The following MUC5B variants were observed in gnomAD, a reference collection of about 807,000 sequenced individuals.
MUC5B encodes mucin 5B, oligomeric mucus/gel-forming.
In MUC5B, 116 loss-of-function variants were observed where a neutral mutation model predicts 376.9. The ratio of observed to expected loss-of-function variants is 0.31; its 90% CI spans 0.26 to 0.36. The LOEUF (loss-of-function observed/expected upper bound fraction) is 0.36, where lower values mean the gene tolerates loss of function less well. MUC5B is among the 10% of genes least tolerant of loss of function. The pLI, the probability that MUC5B is intolerant of heterozygous loss-of-function variation, is 1.00. For missense variants in MUC5B, 7,165 were observed against 7,769.9 expected, an observed-to-expected ratio of 0.92 and a Z score of 2.93; for synonymous variants, 3,517 against 3,390.9, an observed-to-expected ratio of 1.04 and a Z score of -1.29.
In MUC5B at chr11:1,227,062, C is replaced by G. The variant is rs763931547; in HGVS notation, c.493C>G (p.Leu165Val). The G allele has an allele frequency of 6.2e-7, 1 of 1,612,042 alleles. No homozygotes were observed. Among genetic ancestry groups the G allele is most frequent in the East Asian group, 2.2e-5 (1 of 44,862 alleles). ...GCTGCCTTACAGCCGCACTGGCCTC[C>G]TGGTGGAGCAGAGCGGGGACTACAT... ...EELPYSRTGL[L>V]VEQSGDYIKV... Residue 165 changes from leucine (L) to valine (V), a missense_variant, in exon 5 of 49, where the codon CTG (leucine) becomes GTG (valine). Coordinates refer to ENST00000529681, the MANE Select transcript of MUC5B (RefSeq NM_002458.3).
rs775093074 is a variant in MUC5B, at chr11:1,254,864, C to T, written c.15648C>T (p.Asn5216=). The T allele has an allele frequency of 1.9e-6, 3 of 1,611,446 alleles. No individual in the cohort carries two copies. The African/African-American group carries it at 4.0e-5, about 22-fold the overall frequency. The stretch of plus-strand genomic sequence containing the variant: ...TGCCCTACAGCCTCTTCCACAACAA[C>T]ACCGAGGGCCAGTGCGGTGAGTGGG... ...ARLPYSLFHN[N]TEGQCGTCTN... Residue 5216 remains asparagine, a synonymous_variant, in exon 35 of 49, where the codon AAC becomes AAT. Transcript: ENST00000529681.
At chr11:1,260,158 C>A in intron 46 of MUC5B, 73 bp downstream of exon 46, 1 of 1,563,060 alleles carries the variant, frequency 6.4e-7, no homozygotes, top group Non-Finnish European at 8.7e-7. Flanking sequence ...GTCTGGGATG[C>A]CCTGCACAGC....
Position 1,229,709 on chromosome 11 carries a change from C to T in MUC5B, c.1122C>T (p.Ile374=). Residue 374 remains isoleucine (I), a synonymous_variant, in exon 10 of 49, where the codon ATC becomes ATT. Coordinates refer to ENST00000529681, the MANE Select transcript of MUC5B (RefSeq NM_002458.3). ...FCPPGTVLDD[I]THSGCLPLGQ... Reference sequence around the variant, plus strand: ...CCACAGGCACGGTGCTGGATGACATCACGCACTCTGGCTGCCTGCCCCTCG... The same window carrying T: ...CCACAGGCACGGTGCTGGATGACATTACGCACTCTGGCTGCCTGCCCCTCG... 6.3e-7 allele frequency: 1 copy of T among 1,585,774 alleles called. No individual in the cohort carries two copies. Among genetic ancestry groups the T allele is most frequent in the Non-Finnish European group, 8.5e-7 (1 of 1,170,216 alleles).
chr11:1,227,635 G>A (rs1416656130), intron 6 of MUC5B, 40 bp from the exon 7 acceptor site: 1 of 709,596 alleles, frequency 1.4e-6, no homozygotes, highest in South Asian at 1.5e-5. Flanking sequence ...GTCCCCAGGA[G>A]CCCCTCAGAG....
At position 1,249,968 on chromosome 11, in the gene MUC5B, C is replaced by T. The variant is rs71469882; in HGVS notation, c.13088C>T (p.Ser4363Phe). ...PSSTPETTHTSTVLTTKATTT... is the reference protein window; with the variant it reads ...PSSTPETTHTFTVLTTKATTT... ...TCCACTCCGGAGACCACCCACACCT[C>T]CACAGTGCTGACCACGAAGGCCACC... The change falls in exon 31 of 49, where the codon TCC becomes TTC. Residue 4363 changes from serine to phenylalanine, a missense_variant. This residue lies in a region of MUC5B where 431 missense variants were observed against 390.4 expected (regional missense o/e 1.10). Transcript: ENST00000529681. 3.7e-6 allele frequency: 6 copies of T among 1,611,306 alleles called. No individual in the cohort carries two copies. The highest frequency in any genetic ancestry group is 5.1e-6 in the Non-Finnish European group (6 of 1,178,476).
intron 18 of MUC5B, 84 bp from the exon 19 acceptor site, chr11:1,233,709 C>A: frequency 1.5e-6 from 2 of 1,375,026 alleles, no homozygotes; most frequent in Non-Finnish European, 2.0e-6. Context: ...GGAGGCCCAG[C>A]GTTCGGCGGG....
chr11:1,260,448 C>A, intron 47 of MUC5B, 55 bp downstream of exon 47: 1 of 1,593,628 alleles, frequency 6.3e-7, no homozygotes, highest in East Asian at 2.2e-5. Context: ...CGTCGCCACC[C>A]ATCCATTCCT....
rs1448061299 is a variant in MUC5B, at chr11:1,227,405, G to T, written c.667+7G>T. 1 of 1,602,944 alleles carries T rather than the reference G, an allele frequency of 6.2e-7. No homozygotes were observed. Among genetic ancestry groups the T allele is most frequent in the Admixed American group, 1.7e-5 (1 of 59,444 alleles). ...AACGAGTTCTATGCCCACAGTGAGT[G>T]CCACCTGGGTGAGGGGGCGGTGACC... On this transcript the variant is annotated splice_region_variant and intron_variant, in intron 6 of 48. Coordinates refer to ENST00000529681, the MANE Select transcript of MUC5B (RefSeq NM_002458.3).
Position 1,247,347 on chromosome 11 carries a change from G to T in MUC5B, c.10467G>T (p.Thr3489=), listed in dbSNP as rs767717133. 3 of 1,610,770 alleles carry T rather than the reference G, an allele frequency of 1.9e-6. No homozygotes were observed. The highest frequency in any genetic ancestry group is 2.7e-5 in the African/African-American group (2 of 74,590). The change falls in exon 31 of 49, where the codon ACG becomes ACT. Residue 3489 remains threonine (T), a synonymous_variant. Coordinates refer to ENST00000529681, the MANE Select transcript of MUC5B (RefSeq NM_002458.3). ...LGTTHITEPS[T]VTSHTPAATT... ...CCACCCACATCACAGAGCCTTCCAC[G>T]GTGACTTCCCACACCCCAGCAGCAA... is the stretch of plus-strand genomic sequence containing the variant.
At chr11:1,256,912 T>C in intron 39 of MUC5B, 141 bp downstream of exon 39, 1 of 674,750 alleles carries the variant, frequency 1.5e-6, no homozygotes, top group East Asian at 2.8e-5. Flanking sequence ...CACCAGAGCA[T>C]GGGATGGCCC....
chr11:1,233,040 C>T lies in MUC5B; in HGVS notation c.2093C>T (p.Ser698Phe), dbSNP rs1405915296. 2.5e-6 allele frequency: 4 copies of T among 1,600,612 alleles called. No homozygotes were observed. The highest frequency in any genetic ancestry group is 3.4e-6 in the Non-Finnish European group (4 of 1,177,528). Residue 698 changes from serine (S) to phenylalanine (F), a missense_variant, in exon 18 of 49, where the codon TCC becomes TTC. Physicochemically the swap from Ser to Phe is radical, Grantham distance 155 (BLOSUM62 -2). Coordinates refer to ENST00000529681, the MANE Select transcript of MUC5B (RefSeq NM_002458.3). Reference sequence around the variant, plus strand: ...AAGTACATGCAGAACTGCCCCAAGTCCCAGCGCTACGCCTACGTGGTGGAT... The same window carrying T: ...AAGTACATGCAGAACTGCCCCAAGTTCCAGCGCTACGCCTACGTGGTGGAT... ...CTKYMQNCPK[S>F]QRYAYVVDAC...
rs1324171837 is a variant in MUC5B, at chr11:1,240,999, T to C, written c.4119T>C (p.Pro1373=). ...NLRQRGYQVC[P]VLADIECRAA... ...GGCAGAGAGGGTACCAGGTATGCCC[T>C]GTGCTGGCTGACATCGAGTGCCGGG... Residue 1373 remains proline, a synonymous_variant, in exon 31 of 49, where the codon CCT becomes CCC. Coordinates refer to ENST00000529681, the MANE Select transcript of MUC5B (RefSeq NM_002458.3). 2 of 1,613,216 alleles carry C rather than the reference T, an allele frequency of 1.2e-6. No homozygotes were observed. Among genetic ancestry groups the C allele is most frequent in the Non-Finnish European group, 1.7e-6 (2 of 1,179,844 alleles).
At position 1,234,963 on chromosome 11, in the gene MUC5B, G is replaced by T; in HGVS notation, c.2631-122G>T. On this transcript the variant is annotated intron_variant, in intron 21 of 48. Transcript: ENST00000529681. The surrounding 1 kb of genome is among the most constrained non-coding windows in gnomAD (Gnocchi z 6.3). Reference sequence around the variant, plus strand: ...GGACACCACTTCTTCCACGGAGGAGGGGTCAGGCTGGGCCTGGGGAGGCTG... The same window carrying T: ...GGACACCACTTCTTCCACGGAGGAGTGGTCAGGCTGGGCCTGGGGAGGCTG... 1 of 1,326,414 alleles carries T rather than the reference G, an allele frequency of 7.5e-7. No individual in the cohort carries two copies. Among genetic ancestry groups the T allele is most frequent in the Non-Finnish European group, 1.0e-6 (1 of 996,338 alleles). The allele number at this position is 1,326,414 out of a possible 1,614,324, so 82.2% of individuals were successfully genotyped here. A position where few individuals can be genotyped will look rare whatever the true frequency, so the allele number is the denominator to read the frequency against.
Position 1,241,300 on chromosome 11 carries a change from A to G in MUC5B, c.4420A>G (p.Ile1474Val), listed in dbSNP as rs1167897159. 6.2e-7 allele frequency: 1 copy of G among 1,603,532 alleles called. No individual in the cohort carries two copies. Among genetic ancestry groups the G allele is most frequent in the South Asian group, 1.1e-5 (1 of 89,596 alleles). Residue 1474 changes from isoleucine (I) to valine (V), a missense_variant, in exon 31 of 49, where the codon ATC (isoleucine) becomes GTC (valine). Around this residue, in one of 31 missense-constraint regions of MUC5B, gnomAD observed 517 missense variants for 545.3 expected, o/e 0.95. Coordinates refer to ENST00000529681, the MANE Select transcript of MUC5B (RefSeq NM_002458.3). ...EKTTLWVTPS[I>V]RSTAALTSQT... is the part of the protein sequence containing the mutation. The stretch of plus-strand genomic sequence containing the variant: ...GACCACCCTATGGGTGACCCCGAGC[A>G]TCCGGTCGACGGCGGCCCTCACCTC...
intron 13 of MUC5B, 83 bp from the exon 14 acceptor site, chr11:1,231,340 G>A (rs902128732): frequency 3.0e-5 from 44 of 1,466,942 alleles, no homozygotes; most frequent in Non-Finnish European, 3.2e-5. Context: ...GGGGTGGCCC[G>A]GCCCACTGGA....
chr11:1,233,563 G>A (rs1001413742), intron 18 of MUC5B, among the ~76,000 whole-genome samples: 6 of 152,214 alleles, frequency 3.9e-5, no homozygotes, highest in Non-Finnish European at 8.8e-5. Context: ...CTCAAAGGCC[G>A]CTCCTAACCC....
At chr11:1,256,501 CCCA>C in intron 38 of MUC5B, 167 bp from the exon 39 acceptor site, 1 of 452,122 alleles carries the variant, frequency 2.2e-6, no homozygotes, top group Non-Finnish European at 4.0e-6. Flanking sequence ...CCCGCCCACC[CCCA>C]CCCCAGCCCC....
Position 1,225,876 on chromosome 11 carries a change from C to G in MUC5B, c.127+139C>G, listed in dbSNP as rs1861868955. 3.7e-6 allele frequency: 3 copies of G among 805,070 alleles called. No individual in the cohort carries two copies. In the African/African-American group the frequency reaches 5.2e-5, roughly 14 times the overall value. 49.9% of individuals were successfully genotyped at this position (805,070 alleles called of 1,614,324 possible). On this transcript the variant is annotated intron_variant, in intron 2 of 48. Transcript: ENST00000529681. The stretch of plus-strand genomic sequence containing the variant: ...CCTGGGTCCCCTGCCCAGGACAATA[C>G]CCAGCACCCGAGGCGGAGCTTGGTG...
intron 1 of MUC5B, among the ~76,000 whole-genome samples, chr11:1,224,557 G>A (rs1861836702): frequency 1.4e-5 from 2 of 147,192 alleles, no homozygotes; most frequent in East Asian, 4.0e-4. Context: ...GGGCCAGGGA[G>A]GGGCTGCCTG....
Sources: gnomAD v4.1 joint callset for allele counts (sites outside exome capture counted in the v4.1 genomes callset) on GRCh38, gnomAD v4.1.1 for gene constraint, gnomAD v4.1.1 regional missense constraint, Gnocchi (gnomAD v3.1) non-coding constraint, MANE v1.5 for transcripts, NCBI Gene and HGNC (gene_info 2026-07-23, HGNC 2026-07-21) for gene names.